The following GPM6A variants were observed in gnomAD, a reference collection of about 807,000 sequenced individuals.
GPM6A encodes neuronal membrane glycoprotein M6-a.
Under a neutral mutation model 32.1 loss-of-function variants are expected in GPM6A, and 7 were observed. The ratio of observed to expected loss-of-function variants is 0.22; its 90% CI spans 0.12 to 0.41. The LOEUF is 0.41. GPM6A is among the 10% of genes least tolerant of loss of function. The pLI is 1.00. For missense variants in GPM6A, 235 were observed against 347.2 expected (o/e 0.68, Z 2.57); for synonymous variants, 130 against 123.4 (o/e 1.05, Z -0.35).
At chr4:175,806,142 G>A (rs7665951) in intron 1 of GPM6A, 23 of 152,222 alleles carry the variant, frequency 1.5e-4, no homozygotes, top group African/African-American at 5.6e-4. Flanking sequence ...TTGAATGGTG[G>A]GGAGGGGTTT....
At chr4:175,831,741 C>T (rs1270803235) in intron 1 of GPM6A, among the ~76,000 whole-genome samples, 4 of 3,800 alleles carry the variant, frequency 1.1e-3, no homozygotes, top group Admixed American at 5.5e-3. Context: ...TTTTTTTTGA[C>T]GGAGGTTCAC....
intron 1 of GPM6A, among the ~76,000 whole-genome samples, chr4:175,724,362 T>C (rs913495566): frequency 3.9e-5 from 6 of 152,112 alleles, no homozygotes; most frequent in Non-Finnish European, 5.9e-5. Flanking sequence ...CTGGCCAACA[T>C]GGTGAAACCC....
intron 1 of GPM6A, among the ~76,000 whole-genome samples, chr4:175,833,167 A>G (rs1029295857): frequency 6.6e-6 from 1 of 152,232 alleles, no homozygotes; most frequent in African/African-American, 2.4e-5. Context: ...GCTCTTAACA[A>G]AAAGCAAAAA....
At chr4:175,940,306 C>T (rs1345614478) in intron 1 of GPM6A, among the ~76,000 whole-genome samples, 1 of 144,260 alleles carries the variant, frequency 6.9e-6, no homozygotes, top group African/African-American at 2.5e-5. Context: ...AGAAAACTTA[C>T]CTATAGGTTT....
At chr4:175,659,606 T>C (rs1560857419) in intron 3 of GPM6A, among the ~76,000 whole-genome samples, 2 of 152,170 alleles carry the variant, frequency 1.3e-5, no homozygotes, top group Non-Finnish European at 2.9e-5. Flanking sequence ...AGCCCCAAAA[T>C]GATAGTCATG....
intron 1 of GPM6A, among the ~76,000 whole-genome samples, chr4:175,759,627 C>A (rs1222474968): frequency 6.6e-6 from 1 of 152,040 alleles, no homozygotes; most frequent in Non-Finnish European, 1.5e-5. Context: ...GAGGAAGATA[C>A]AAATCTATGA....
intron 2 of GPM6A, among the ~76,000 whole-genome samples, chr4:175,696,632 A>G (rs1231651987): frequency 6.6e-6 from 1 of 152,134 alleles, no homozygotes; most frequent in Non-Finnish European, 1.5e-5. Flanking sequence ...ACATCAATAC[A>G]AATTTGGCAG....
chr4:175,744,973 A>G (rs1408955190), intron 1 of GPM6A, among the ~76,000 whole-genome samples: 1 of 152,158 alleles, frequency 6.6e-6, no homozygotes, highest in African/African-American at 2.4e-5. Context: ...AAAGTAAGCA[A>G]TTTGCCAGGT....
At chr4:175,945,666 AAT>A (rs777808011) in intron 1 of GPM6A, among the ~76,000 whole-genome samples, 5 of 144,990 alleles carry the variant, frequency 3.4e-5, no homozygotes, top group East Asian at 3.9e-4. Flanking sequence ...TATAAGTTAT[AAT>A]ATATGTTATA....
At chr4:175,645,083 G>C (rs535036836) in intron 4 of GPM6A, among the ~76,000 whole-genome samples, 27 of 152,140 alleles carry the variant, frequency 1.8e-4, no homozygotes, top group Non-Finnish European at 3.4e-4. Context: ...CTGGGCGACA[G>C]AGTGAGATTG....
chr4:175,682,841 C>T (rs1471463223), intron 2 of GPM6A, among the ~76,000 whole-genome samples: 1 of 152,142 alleles, frequency 6.6e-6, no homozygotes, highest in Non-Finnish European at 1.5e-5. Flanking sequence ...AGCCTGGGTG[C>T]CCAGGAGGAA....
At chr4:175,750,070 T>A (rs748262496) in intron 1 of GPM6A, among the ~76,000 whole-genome samples, 2 of 152,250 alleles carry the variant, frequency 1.3e-5, no homozygotes, top group East Asian at 1.9e-4. Context: ...CTATTGCTTT[T>A]TTTTTTGAGA....
At chr4:175,929,272 A>G (rs1738947779) in intron 1 of GPM6A, among the ~76,000 whole-genome samples, 1 of 152,218 alleles carries the variant, frequency 6.6e-6, no homozygotes, top group African/African-American at 2.4e-5. Flanking sequence ...ACATCCTTAT[A>G]TGCCTGATAT....
chr4:175,637,044 AT>A, intron 6 of GPM6A, among the ~76,000 whole-genome samples: 1 of 128,562 alleles, frequency 7.8e-6, no homozygotes, highest in African/African-American at 3.0e-5. Context: ...TATATAATAT[AT>A]TTATATATAA....
intron 1 of GPM6A, among the ~76,000 whole-genome samples, chr4:175,748,653 C>T (rs1271486555): frequency 1.3e-5 from 2 of 152,072 alleles, no homozygotes; most frequent in Non-Finnish European, 2.9e-5. Context: ...CTTCAGGGCC[C>T]CGAGATTTTT....
At chr4:175,978,328 C>G (rs1390424979) in intron 1 of GPM6A, among the ~76,000 whole-genome samples, 1 of 152,172 alleles carries the variant, frequency 6.6e-6, no homozygotes, top group Non-Finnish European at 1.5e-5. Flanking sequence ...AACTCACTAA[C>G]TATCATGAGA....
At chr4:175,671,995 A>AAAGC (rs1743104506) in intron 3 of GPM6A, among the ~76,000 whole-genome samples, 1 of 55,986 alleles carries the variant, frequency 1.8e-5, no homozygotes. Flanking sequence ...AAAAAAAAAA[A>AAAGC]AAGAAAGAAA....
chr4:175,926,440 T>A (rs533399288), intron 1 of GPM6A, among the ~76,000 whole-genome samples: 2 of 152,322 alleles, frequency 1.3e-5, no homozygotes, highest in African/African-American at 4.8e-5. Context: ...AATCTTTCAA[T>A]AGGGCTTATG....
intron 2 of GPM6A, 80 bp from the exon 3 acceptor site, chr4:175,673,916 T>G: frequency 1.1e-6 from 1 of 891,134 alleles, no homozygotes; most frequent in South Asian, 2.0e-5. Flanking sequence ...ATGCTCATGA[T>G]TCTTTTGGAA....
Sources: gnomAD v4.1 joint callset for allele counts (sites outside exome capture counted in the v4.1 genomes callset) on GRCh38, gnomAD v4.1.1 for gene constraint, MANE v1.5 for transcripts, NCBI Gene and HGNC (gene_info 2026-07-23, HGNC 2026-07-21) for gene names.